CALD1: variants seen among roughly 807,000 people sequenced by gnomAD.
The protein encoded by CALD1 is caldesmon 1.
A neutral mutation model predicts 99.9 loss-of-function variants in CALD1; 33 were observed. The ratio of observed to expected loss-of-function variants is 0.33; its 90% CI spans 0.25 to 0.44. The LOEUF is 0.44. CALD1 is among the 20% of genes least tolerant of loss of function. The pLI, the probability that CALD1 is intolerant of heterozygous loss-of-function variation, is 1.00. For synonymous variants in CALD1, 310 were observed against 325.0 expected, an observed-to-expected ratio of 0.95 and a Z score of 0.50; for missense variants, 861 against 962.1, an observed-to-expected ratio of 0.89 and a Z score of 1.39.
intron 14 of CALD1, among the ~76,000 whole-genome samples, chr7:134,966,634 A>G (rs1237740326): frequency 1.3e-5 from 2 of 152,194 alleles, no homozygotes; most frequent in South Asian, 4.1e-4. Flanking sequence ...CATAGCCTGC[A>G]TTGATACTCC....
intron 1 of CALD1, among the ~76,000 whole-genome samples, chr7:134,746,566 A>G (rs982083870): frequency 6.6e-6 from 1 of 152,142 alleles, no homozygotes; most frequent in Admixed American, 6.5e-5. Context: ...TTTGAGGTGC[A>G]TGCTAGAAAA....
intron 9 of CALD1, among the ~76,000 whole-genome samples, chr7:134,953,308 G>C (rs1312381621): frequency 6.6e-6 from 1 of 151,980 alleles, no homozygotes; most frequent in East Asian, 1.9e-4. Flanking sequence ...GTGAAACCTC[G>C]TCTCTACTAA....
chr7:134,891,681 C>T (rs751601069), intron 3 of CALD1: 1 of 1,576,190 alleles, frequency 6.3e-7, no homozygotes, highest in Non-Finnish European at 8.6e-7. Context: ...CCAGTGAGTC[C>T]TCATTTCGTC....
intron 2 of CALD1, among the ~76,000 whole-genome samples, chr7:134,854,651 T>C (rs953393074): frequency 3.3e-5 from 5 of 152,194 alleles, no homozygotes; most frequent in Admixed American, 1.3e-4. Context: ...ACATCTGTCA[T>C]ATAGCTGGCC....
intron 12 of CALD1, 52 bp downstream of exon 12, chr7:134,960,163 T>A: frequency 1.3e-6 from 2 of 1,595,614 alleles, no homozygotes; most frequent in Middle Eastern, 3.3e-4. Context: ...TTTTTTTGCA[T>A]GTCGATTTTG....
At chr7:134,888,865 C>G (rs945586500) in intron 3 of CALD1, among the ~76,000 whole-genome samples, 1 of 152,206 alleles carries the variant, frequency 6.6e-6, no homozygotes, top group African/African-American at 2.4e-5. Context: ...TGGTGGACAT[C>G]CTGTGTACAG....
At chr7:134,870,371 C>G (rs1304281935) in intron 3 of CALD1, among the ~76,000 whole-genome samples, 1 of 152,186 alleles carries the variant, frequency 6.6e-6, no homozygotes, top group South Asian at 2.1e-4. Context: ...TGTGACAGAA[C>G]TAAAGTGCTG....
At chr7:134,775,061 A>G (rs1426404572), upstream of CALD1, among the ~76,000 whole-genome samples, 5 of 151,928 alleles carry the variant, frequency 3.3e-5, no homozygotes, top group Admixed American at 1.3e-4. Flanking sequence ...TTTTCTAATC[A>G]TTTCTGTTTG....
At chr7:134,786,858 C>T (rs1216723279) in intron 1 of CALD1, among the ~76,000 whole-genome samples, 1 of 152,154 alleles carries the variant, frequency 6.6e-6, no homozygotes, top group Non-Finnish European at 1.5e-5. Context: ...GCCTATATAC[C>T]CATGCATCTT....
chr7:134,841,509 T>A (rs1447985668), intron 1 of CALD1, among the ~76,000 whole-genome samples: 1 of 152,204 alleles, frequency 6.6e-6, no homozygotes, highest in East Asian at 1.9e-4. Flanking sequence ...CATTTTTCTG[T>A]CTGTTATTAA....
chr7:134,714,237 C>A, the CALD1 span, among the ~76,000 whole-genome samples: 1 of 152,132 alleles, frequency 6.6e-6, no homozygotes, highest in African/African-American at 2.4e-5. Flanking sequence ...TATTGTATTT[C>A]TTTATAGCAG....
intron 3 of CALD1, among the ~76,000 whole-genome samples, chr7:134,927,551 C>CAAA (rs58182455): frequency 2.5e-3 from 101 of 39,986 alleles, no homozygotes; most frequent in East Asian, 5.2e-3. Flanking sequence ...GACTGTGTCT[C>CAAA]AAAAAAAAAA....
chr7:134,931,192 C>T (rs1292411569), intron 4 of CALD1, among the ~76,000 whole-genome samples: 1 of 151,964 alleles, frequency 6.6e-6, no homozygotes, highest in Non-Finnish European at 1.5e-5. Flanking sequence ...TGGGGCTAAA[C>T]AACTCTAACT....
intron 3 of CALD1, among the ~76,000 whole-genome samples, chr7:134,907,511 C>G (rs865900230): frequency 1.3e-5 from 2 of 152,232 alleles, no homozygotes; most frequent in Middle Eastern, 6.8e-3. Flanking sequence ...CCCAACCCTT[C>G]TTAAAAGTAA....
chr7:134,806,194 T>G (rs1434878076), intron 1 of CALD1, among the ~76,000 whole-genome samples: 1 of 152,250 alleles, frequency 6.6e-6, no homozygotes, highest in Non-Finnish European at 1.5e-5. Context: ...TGGTAGGCCC[T>G]GTCAGTTTCA....
chr7:134,735,024 G>A, the CALD1 span: 73 of 249,230 alleles, frequency 2.9e-4, no homozygotes, highest in Admixed American at 8.6e-4. Flanking sequence ...ACTCCATCTC[G>A]TCCATGCCCT....
At chr7:134,939,007 C>T (rs1037104222) in intron 6 of CALD1, among the ~76,000 whole-genome samples, 23 of 152,140 alleles carry the variant, frequency 1.5e-4, no homozygotes, top group African/African-American at 5.6e-4. Context: ...AGCTCCTACT[C>T]GGAATTTATT....
chr7:134,902,208 C>T (rs1010493536), intron 3 of CALD1, among the ~76,000 whole-genome samples: 4 of 152,026 alleles, frequency 2.6e-5, no homozygotes, highest in Non-Finnish European at 5.9e-5. Context: ...TAGACTCAAG[C>T]GTAGGCAGGG....
At chr7:134,895,298 A>AAGTGTG (rs1045099168) in intron 3 of CALD1, among the ~76,000 whole-genome samples, 17 of 138,646 alleles carry the variant, frequency 1.2e-4, no homozygotes, top group African/African-American at 4.5e-4. Flanking sequence ...TTATATATGT[A>AAGTGTG]TGTGTGTGTG....
Sources: gnomAD v4.1 joint callset for allele counts (sites outside exome capture counted in the v4.1 genomes callset) on GRCh38, gnomAD v4.1.1 for gene constraint, MANE v1.5 for transcripts, NCBI Gene and HGNC (gene_info 2026-07-23, HGNC 2026-07-21) for gene names.